The following PCDHGA7 variants were observed in gnomAD, a reference collection of about 807,000 sequenced individuals.
The protein encoded by PCDHGA7 is protocadherin gamma-A7.
In PCDHGA7, 44 loss-of-function variants were observed where a neutral mutation model predicts 58.3. That is an observed-to-expected ratio of 0.75 (90% CI 0.59 to 0.97). The LOEUF is 0.97. PCDHGA7 is among the 50% of genes least tolerant of loss of function. The probability of loss-of-function intolerance (pLI) is 0.00; values close to 1 mark genes in which losing one functional copy is unlikely to be tolerated. For missense variants in PCDHGA7, 1,266 were observed against 1,188.7 expected, an observed-to-expected ratio of 1.06 and a Z score of -0.96; for synonymous variants, 516 against 504.2, an observed-to-expected ratio of 1.02 and a Z score of -0.31.
At chr5:141,505,348 G>A (rs1414647950) in intron 2 of PCDHGA7, 45 bp from the exon 3 acceptor site, 1 of 1,613,358 alleles carries the variant, frequency 6.2e-7, no homozygotes, top group Admixed American at 1.7e-5. Context: ...GGCATGAGCT[G>A]TGCCGGCCTG....
At chr5:141,460,849 G>A (rs908955373) in intron 1 of PCDHGA7, among the ~76,000 whole-genome samples, 1 of 150,224 alleles carries the variant, frequency 6.7e-6, no homozygotes, top group Non-Finnish European at 1.5e-5. Flanking sequence ...CCTCCAGTTC[G>A]ATCCAAGTTG....
chr5:141,456,800 TA>T (rs1038857337), intron 1 of PCDHGA7, among the ~76,000 whole-genome samples: 2 of 151,846 alleles, frequency 1.3e-5, no homozygotes, highest in African/African-American at 4.8e-5. Flanking sequence ...CCATCTCTAC[TA>T]AAAATACAAA....
intron 1 of PCDHGA7, chr5:141,415,176 C>T: frequency 6.2e-7 from 1 of 1,613,934 alleles, no homozygotes; most frequent in Non-Finnish European, 8.5e-7. Context: ...TCACCGTGGC[C>T]GTGGCCGACA....
intron 1 of PCDHGA7, chr5:141,392,676 C>G: frequency 1.1e-6 from 1 of 917,280 alleles, no homozygotes. Context: ...AACTGCTGGA[C>G]TGCAGCGAAA....
intron 1 of PCDHGA7, among the ~76,000 whole-genome samples, chr5:141,397,623 T>A (rs2093546552): frequency 6.6e-6 from 1 of 152,242 alleles, no homozygotes; most frequent in South Asian, 2.1e-4. Context: ...TACTTAGTTC[T>A]AGCTAAGAGT....
chr5:141,417,001 ATAAT>A (rs2096073629), intron 1 of PCDHGA7: 2 of 150,812 alleles, frequency 1.3e-5, no homozygotes, highest in Non-Finnish European at 1.5e-5. Flanking sequence ...TTCATCTCAA[ATAAT>A]TCTATTATTT....
chr5:141,421,073 G>A (rs2096544393), intron 1 of PCDHGA7: 4 of 613,858 alleles, frequency 6.5e-6, no homozygotes, highest in Non-Finnish European at 1.1e-5. Flanking sequence ...GGAATGAGAT[G>A]GATACTCACA....
chr5:141,400,209 G>T (rs371270054), intron 1 of PCDHGA7: 8 of 1,613,934 alleles, frequency 5.0e-6, no homozygotes, highest in African/African-American at 2.7e-5. Flanking sequence ...CCTTGGCCTT[G>T]ATCTCAGTGC....
Position 141,487,302 on chromosome 5 carries a change from C to T in PCDHGA7, c.2425-7505C>T, listed in dbSNP as rs763268817. 3.7e-6 allele frequency: 6 copies of T among 1,614,154 alleles called. No homozygotes were observed. The highest frequency in any genetic ancestry group is 3.4e-6 in the Non-Finnish European group (4 of 1,180,002). On this transcript the variant is annotated intron_variant, in intron 1 of 3. Transcript: ENST00000518325. This position sits in a 1 kb window ranked among gnomAD's most constrained non-coding sequence, Gnocchi z 5.0. ...TTTGTCTCCTTTGGCTCATTCGTGGCACTACTCTCTAAGTGTCTTCGTGGG... is the reference window on the plus strand; with the variant it reads ...TTTGTCTCCTTTGGCTCATTCGTGGTACTACTCTCTAAGTGTCTTCGTGGG...
intron 1 of PCDHGA7, among the ~76,000 whole-genome samples, chr5:141,462,192 T>C (rs1323806836): frequency 6.6e-6 from 1 of 152,198 alleles, no homozygotes; most frequent in Non-Finnish European, 1.5e-5. Context: ...ACTCCTGACC[T>C]CAGGTGATCC....
intron 1 of PCDHGA7, chr5:141,471,553 TG>T (rs1217142933): frequency 6.6e-6 from 1 of 152,224 alleles, no homozygotes; most frequent in African/African-American, 2.4e-5. Flanking sequence ...AAGGTTGCTT[TG>T]ACTCAGGGGT....
intron 1 of PCDHGA7, among the ~76,000 whole-genome samples, chr5:141,474,788 A>G (rs1426105047): frequency 6.6e-6 from 1 of 152,232 alleles, no homozygotes; most frequent in Non-Finnish European, 1.5e-5. Context: ...AACACTTTAC[A>G]TCTAATGGAG....
At position 141,490,108 on chromosome 5, in the gene PCDHGA7, C is replaced by T. The variant is rs566655929; in HGVS notation, c.2425-4699C>T. 1.4e-5 allele frequency: 22 copies of T among 1,614,244 alleles called. No individual in the cohort carries two copies. Among genetic ancestry groups the T allele is most frequent in the South Asian group, 5.5e-5 (5 of 91,090 alleles). The stretch of plus-strand genomic sequence containing the variant: ...TGGAGACCACACATCTGAGGCAGTG[C>T]GGAACCTCTTTGGCCTAGACCCTAG... On this transcript the variant is annotated intron_variant, in intron 1 of 3. Coordinates refer to ENST00000518325, the MANE Select transcript of PCDHGA7 (RefSeq NM_018920.4). This position sits in a 1 kb window ranked among gnomAD's most constrained non-coding sequence, Gnocchi z 5.4.
At chr5:141,471,263 C>T (rs2099253826) in intron 1 of PCDHGA7, 1 of 151,898 alleles carries the variant, frequency 6.6e-6, no homozygotes, top group African/African-American at 2.4e-5. Context: ...GTTGGCAAGG[C>T]TGGTCTCAAA....
intron 1 of PCDHGA7, chr5:141,393,809 A>G (rs566306926): frequency 1.9e-6 from 3 of 1,613,982 alleles, no homozygotes; most frequent in African/African-American, 1.3e-5. Context: ...GGAGGACCAA[A>G]TTGCTCATTT....
intron 1 of PCDHGA7, among the ~76,000 whole-genome samples, chr5:141,472,555 A>T (rs1360460094): frequency 6.6e-6 from 1 of 152,024 alleles, no homozygotes; most frequent in South Asian, 2.1e-4. Flanking sequence ...AAAAAAAATT[A>T]TATTATAAAT....
rs969397099 is a variant in PCDHGA7, at chr5:141,477,807, C to T, written c.2425-17000C>T. 6.2e-6 allele frequency: 10 copies of T among 1,613,932 alleles called. No homozygotes were observed. Among genetic ancestry groups the T allele is most frequent in the African/African-American group, 1.3e-5 (1 of 74,922 alleles). ...TTTGTCACTGATCGCAATGACAATG[C>T]CCCCCAGGTCCTATATCCTCGGCCA... is the stretch of plus-strand genomic sequence containing the variant. On this transcript the variant is annotated intron_variant, in intron 1 of 3. Transcript: ENST00000518325. The surrounding 1 kb of genome is among the most constrained non-coding windows in gnomAD (Gnocchi z 4.9).
chr5:141,430,337 C>G (rs531455580), intron 1 of PCDHGA7, among the ~76,000 whole-genome samples: 1 of 150,908 alleles, frequency 6.6e-6, no homozygotes, highest in East Asian at 2.0e-4. Context: ...TTTATAGAAA[C>G]TTCCAATTCA....
chr5:141,403,685 C>T, intron 1 of PCDHGA7: 4 of 1,613,822 alleles, frequency 2.5e-6, no homozygotes, highest in Non-Finnish European at 3.4e-6. Flanking sequence ...TTTTGCTCAA[C>T]GGATTTACCG....
Sources: allele counts gnomAD v4.1 joint callset (sites outside exome capture counted in the v4.1 genomes callset), GRCh38; gene constraint gnomAD v4.1.1; non-coding constraint Gnocchi (gnomAD v3.1); transcripts MANE v1.5; gene names NCBI Gene and HGNC (gene_info 2026-07-23, HGNC 2026-07-21).